Variants in TUB observed in about 807,000 individuals in gnomAD.
The protein encoded by TUB is tubby protein homolog.
Under a neutral mutation model 59.7 loss-of-function variants are expected in TUB, and 33 were observed. That is an observed-to-expected ratio of 0.55 (90% CI 0.42 to 0.74). The LOEUF (loss-of-function observed/expected upper bound fraction) is 0.74. TUB is among the 30% of genes least tolerant of loss of function. TUB has a pLI of 0.00. For synonymous variants in TUB, 293 were observed against 256.4 expected, an observed-to-expected ratio of 1.14 and a Z score of -1.36; for missense variants, 659 against 672.0, an observed-to-expected ratio of 0.98 and a Z score of 0.21.
At chr11:8,037,068 A>G (rs1942656777), upstream of TUB, among the ~76,000 whole-genome samples, 1 of 152,222 alleles carries the variant, frequency 6.6e-6, no homozygotes. Context: ...TAGCAAGACT[A>G]AAGACACCTG....
chr11:8,030,582 T>C (rs1942555089), intron 1 of TUB, among the ~76,000 whole-genome samples: 1 of 151,728 alleles, frequency 6.6e-6, no homozygotes, highest in Admixed American at 6.6e-5. Context: ...TGTTGGGGAG[T>C]GGGGTTCAGA....
In TUB at chr11:8,081,497, C is replaced by G; in HGVS notation, c.-14C>G. The G allele has an allele frequency of 6.5e-7, 1 of 1,526,794 alleles. No individual in the cohort carries two copies. Among genetic ancestry groups the G allele is most frequent in the East Asian group, 2.7e-5 (1 of 36,934 alleles). 94.6% of individuals were successfully genotyped at this position (1,526,794 alleles called of 1,614,324 possible). ...GCCTCCAGAGCCGCAGCCACCGCCCCGCCCCCGAGAGACATGACTTCCAAG... is the reference window on the plus strand; with the variant it reads ...GCCTCCAGAGCCGCAGCCACCGCCCGGCCCCCGAGAGACATGACTTCCAAG... On this transcript the variant is annotated 5_prime_UTR_variant, in exon 1 of 12. Transcript: ENST00000299506.
In TUB at chr11:8,095,626, C is replaced by T. The variant is rs1279566556; in HGVS notation, c.526C>T (p.Pro176Ser). Residue 176 changes from proline to serine, a missense_variant, in exon 5 of 12, where the codon CCC (proline) becomes TCC (serine). By Grantham distance (74) the Pro-to-Ser change is moderately conservative. Transcript: ENST00000299506. The part of the protein sequence containing the change: ...GETAAGGGER[P>S]SGQDLRATMQ... ...GACGGCAGCTGGTGGGGGCGAACGG[C>T]CCAGCGGGCAGGATCTCCGTGCCAC... The T allele has an allele frequency of 5.0e-6, 8 of 1,609,898 alleles. No individual in the cohort carries two copies. The highest frequency in any genetic ancestry group is 6.8e-6 in the Non-Finnish European group (8 of 1,178,500).
intron 2 of TUB, among the ~76,000 whole-genome samples, chr11:8,045,089 C>T (rs566436715): frequency 2.6e-4 from 39 of 152,238 alleles, no homozygotes; most frequent in African/African-American, 8.9e-4. Flanking sequence ...TCTAGCCCTT[C>T]TCCTTTCCCC....
upstream of TUB, among the ~76,000 whole-genome samples, chr11:8,079,709 T>A (rs1021107326): frequency 2.6e-5 from 4 of 151,894 alleles, no homozygotes; most frequent in Non-Finnish European, 5.9e-5. Context: ...TGCATGTGTG[T>A]AGGGGTGTGT....
intron 1 of TUB, among the ~76,000 whole-genome samples, chr11:8,024,498 C>T (rs1214657268): frequency 6.6e-6 from 1 of 152,038 alleles, no homozygotes; most frequent in East Asian, 1.9e-4. Flanking sequence ...ATGTAAATGG[C>T]CCTGCCTCCT....
intron 2 of TUB, among the ~76,000 whole-genome samples, chr11:8,042,245 C>T (rs543021738): frequency 3.3e-5 from 5 of 152,278 alleles, no homozygotes; most frequent in Admixed American, 3.3e-4. Context: ...TCTTTTGTAA[C>T]TGGCTTCTTT....
rs537124215 is a variant in TUB, at chr11:8,089,595, T to C, written c.39-15T>C. The C allele has an allele frequency of 9.9e-6, 16 of 1,613,982 alleles. No homozygotes were observed. The South Asian group carries it at 1.5e-4, about 16-fold the overall frequency. On this transcript the variant is annotated splice_polypyrimidine_tract_variant and intron_variant, in intron 1 of 11. Transcript: ENST00000299506. Reference sequence around the variant, plus strand: ...CTCACGGGCAAGCCCTGAAAACCCCTCTTTCGCTCTGCAGTGTCTTAGATG... The same window carrying C: ...CTCACGGGCAAGCCCTGAAAACCCCCCTTTCGCTCTGCAGTGTCTTAGATG...
chr11:8,072,768 A>G (rs868089592), intron 2 of TUB, among the ~76,000 whole-genome samples: 1 of 152,248 alleles, frequency 6.6e-6, no homozygotes, highest in African/African-American at 2.4e-5. Context: ...CCAGTGAGTT[A>G]GCAGCAGAGA....
At chr11:8,047,590 G>A (rs1381846042) in intron 2 of TUB, among the ~76,000 whole-genome samples, 1 of 152,212 alleles carries the variant, frequency 6.6e-6, no homozygotes, top group Non-Finnish European at 1.5e-5. Context: ...GCTCTGTGCA[G>A]CAGGGCCTTC....
At chr11:8,080,813 G>C (rs891126285), upstream of TUB, among the ~76,000 whole-genome samples, 5 of 152,178 alleles carry the variant, frequency 3.3e-5, no homozygotes, top group Non-Finnish European at 5.9e-5. Context: ...CAACCTCCAC[G>C]CTTCGGCCCG....
In TUB at chr11:8,103,760, G is replaced by A. The variant is rs939884150; in HGVS notation, c.*2141G>A. 4 of 152,654 alleles carry A rather than the reference G, an allele frequency of 2.6e-5. No homozygotes were observed. Among genetic ancestry groups the A allele is most frequent in the Non-Finnish European group, 2.9e-5 (2 of 68,046 alleles). 9.5% of individuals were successfully genotyped at this position (152,654 alleles called of 1,614,324 possible). ...CATTTGAGATGATGGAAACTAGATCGTCTCTAATGTTAGGTCAAGCTATTT... is the reference window on the plus strand; with the variant it reads ...CATTTGAGATGATGGAAACTAGATCATCTCTAATGTTAGGTCAAGCTATTT... On this transcript the variant is annotated 3_prime_UTR_variant, in exon 12 of 12. Transcript: ENST00000299506.
At chr11:8,038,967 T>A in exon 1 of TUB, 2 of 1,613,934 alleles carry the variant, frequency 1.2e-6, no homozygotes, top group Non-Finnish European at 1.7e-6. Flanking sequence ...GCCCATGGGA[T>A]CTCAGCATTC....
Position 8,039,508 on chromosome 11 carries a change from G to A in TUB, c.156-137G>A, listed in dbSNP as rs143583615. The A allele has an allele frequency of 6.1e-3, 4,089 of 672,862 alleles. 100 individuals carry two copies. Among genetic ancestry groups the A allele is most frequent in the Admixed American group, 0.06 (1,601 of 26,474 alleles). 41.7% of individuals were successfully genotyped at this position (672,862 alleles called of 1,614,324 possible). A position where few individuals can be genotyped will look rare whatever the true frequency, so the allele number is the denominator to read the frequency against. ...AAGTCCCTCTACCCTGATCCATCAC[G>A]TAACTCACCTACTGAGGCAGCTGAG... On this transcript the variant is annotated intron_variant, in intron 1 of 12. Transcript: ENST00000305253.
At chr11:8,058,431 T>C (rs557470089) in intron 2 of TUB, among the ~76,000 whole-genome samples, 29 of 152,284 alleles carry the variant, frequency 1.9e-4, no homozygotes, top group African/African-American at 6.7e-4. Flanking sequence ...AGATTGGCCA[T>C]GGCGAGGGTG....
At chr11:8,037,232 TG>T, upstream of TUB, among the ~76,000 whole-genome samples, 1 of 152,328 alleles carries the variant, frequency 6.6e-6, no homozygotes, top group South Asian at 2.1e-4. Context: ...CTTTGGGGCA[TG>T]TGTCCAAGCA....
intron 8 of TUB, 131 bp from the exon 9 acceptor site, chr11:8,098,627 T>C: frequency 1.5e-6 from 1 of 675,204 alleles, no homozygotes; most frequent in East Asian, 2.6e-5. Context: ...CAGTGAGCAG[T>C]ATGCCTCCCT....
intron 1 of TUB, among the ~76,000 whole-genome samples, chr11:8,030,167 A>G (rs10743048): frequency 0.99 from 151,000 of 152,266 alleles, 74,887 homozygotes; most frequent in Middle Eastern, 1. Context: ...GAAGTTTGAC[A>G]TCATCAGGCA....
intron 2 of TUB, among the ~76,000 whole-genome samples, chr11:8,059,029 CACATAGTCCCA>C (rs1456412225): frequency 6.6e-6 from 1 of 152,190 alleles, no homozygotes; most frequent in Non-Finnish European, 1.5e-5. Context: ...CCCTCCATTA[CACATAGTCCCA>C]ACATGTCTCC....
Sources: allele counts gnomAD v4.1 joint callset (sites outside exome capture counted in the v4.1 genomes callset), GRCh38; gene constraint gnomAD v4.1.1; transcripts MANE v1.5; gene names NCBI Gene and HGNC (gene_info 2026-07-23, HGNC 2026-07-21).